The following DNAH1 variants were observed in gnomAD, a reference collection of about 807,000 sequenced individuals.
The protein encoded by DNAH1 is dynein axonemal heavy chain 1.
In DNAH1, 327 loss-of-function variants were observed where a neutral mutation model predicts 484.3. The observed-to-expected ratio is 0.68, with a 90% CI of 0.62 to 0.74. The LOEUF is 0.74. Among genes scored for constraint, DNAH1 ranks in the 30% least tolerant of loss-of-function variants. The probability of loss-of-function intolerance (pLI) is 0.00; values close to 1 mark genes in which losing one functional copy is unlikely to be tolerated. For missense variants in DNAH1, 5,052 were observed against 5,546.8 expected, an observed-to-expected ratio of 0.91 and a Z score of 2.83; for synonymous variants, 2,192 against 2,191.9, an observed-to-expected ratio of 1.00 and a Z score of 0.00.
chr3:52,323,930 G>T, intron 3 of DNAH1, 50 bp downstream of exon 3: 2 of 1,444,038 alleles, frequency 1.4e-6, no homozygotes, highest in Non-Finnish European at 1.9e-6. Flanking sequence ...GTATTTCAAA[G>T]CAGGCTTTTG....
In DNAH1 at chr3:52,361,098, A is replaced by G; in HGVS notation, c.4686-66A>G. 5.8e-6 allele frequency: 8 copies of G among 1,368,002 alleles called. No homozygotes were observed. The highest frequency in any genetic ancestry group is 7.6e-6 in the Non-Finnish European group (8 of 1,051,882). 84.7% of individuals were successfully genotyped at this position (1,368,002 alleles called of 1,614,324 possible). A position where few individuals can be genotyped will look rare whatever the true frequency, so the allele number is the denominator to read the frequency against. ...GGCGAGAGGCCCCAGTCCACAGGAA[A>G]TTCCAAGGAAAGGGGGAGTGTCCAG... On this transcript the variant is annotated intron_variant, in intron 28 of 77. Transcript: ENST00000420323. The surrounding 1 kb of genome is among the most constrained non-coding windows in gnomAD (Gnocchi z 5.6).
In DNAH1 at chr3:52,364,938, AAGG is replaced by A; in HGVS notation, c.5445_5447del (p.Glu1815del). On this transcript the variant is annotated inframe_deletion, in exon 34 of 78. Coordinates refer to ENST00000420323, the MANE Select transcript of DNAH1 (RefSeq NM_015512.5). This position sits in a 1 kb window ranked among gnomAD's most constrained non-coding sequence, Gnocchi z 4.2. ...CGTGTCCGACCTGTTTCCCACCATC[AAGG>A]AGGAGGACACGGACTACGGCATCCT... 6.2e-7 allele frequency: 1 copy of A among 1,613,886 alleles called. No homozygotes were observed. Among genetic ancestry groups the A allele is most frequent in the South Asian group, 1.1e-5 (1 of 91,082 alleles).
chr3:52,315,160 C>T (rs1462931700), upstream of DNAH1, among the ~76,000 whole-genome samples: 1 of 152,186 alleles, frequency 6.6e-6, no homozygotes, highest in East Asian at 1.9e-4. Context: ...ATTCCCTTCT[C>T]TGACACCCCC....
Position 52,384,984 on chromosome 3 carries a change from C to A in DNAH1, c.8514+7C>A. On this transcript the variant is annotated splice_region_variant and intron_variant, in intron 53 of 77. Transcript: ENST00000420323. ...GAAGAGCGGCCTCGACAAGGTGGGC[C>A]CAGGCGAGTCCCCGTGGACAAGGTC... 1.2e-6 allele frequency: 2 copies of A among 1,609,066 alleles called. No individual in the cohort carries two copies. Among genetic ancestry groups the A allele is most frequent in the Non-Finnish European group, 1.7e-6 (2 of 1,177,576 alleles).
chr3:52,314,679 T>G (rs1700892525), upstream of DNAH1, among the ~76,000 whole-genome samples: 1 of 151,958 alleles, frequency 6.6e-6, no homozygotes, highest in African/African-American at 2.4e-5. Flanking sequence ...TGGTAGGGAG[T>G]GAGTCATCTA....
intron 15 of DNAH1, among the ~76,000 whole-genome samples, 173 bp downstream of exon 15, chr3:52,350,281 C>T (rs1276082882): frequency 6.6e-6 from 1 of 151,394 alleles, no homozygotes; most frequent in African/African-American, 2.4e-5. Flanking sequence ...CAGAGCTCTG[C>T]TGTCTGGGGG....
chr3:52,327,339 G>T (rs1192330369), intron 5 of DNAH1, among the ~76,000 whole-genome samples: 1 of 152,166 alleles, frequency 6.6e-6, no homozygotes, highest in Non-Finnish European at 1.5e-5. Context: ...GAAAGAGGGA[G>T]CATGGCCTGG....
chr3:52,397,783 T>C lies in DNAH1; in HGVS notation c.11864T>C (p.Ile3955Thr). The change falls in exon 74 of 78, where the codon ATC (isoleucine) becomes ACC (threonine). Residue 3955 changes from isoleucine to threonine, a missense_variant. Coordinates refer to ENST00000420323, the MANE Select transcript of DNAH1 (RefSeq NM_015512.5). ...TTTGGCCTGCATGACAATGCCAACATCACCTTTGCCCAGAACGAGACGTTC... is the reference window on the plus strand; with the variant it reads ...TTTGGCCTGCATGACAATGCCAACACCACCTTTGCCCAGAACGAGACGTTC... ...EIFGLHDNAN[I>T]TFAQNETFAL... 1 of 1,613,822 alleles carries C rather than the reference T, an allele frequency of 6.2e-7. No homozygotes were observed.
At chr3:52,345,431 C>A in intron 9 of DNAH1, 64 bp from the exon 10 acceptor site, 2 of 1,391,214 alleles carry the variant, frequency 1.4e-6, no homozygotes, top group Non-Finnish European at 2.0e-6. Flanking sequence ...CCCTGTGGAT[C>A]TGTCCTGTCC....
Position 52,372,523 on chromosome 3 carries a change from G to A in DNAH1, c.6827+136G>A, listed in dbSNP as rs555527596. The A allele has an allele frequency of 5.7e-5, 71 of 1,253,586 alleles. No homozygotes were observed. The African/African-American group carries it at 9.6e-4, about 17-fold the overall frequency. The allele number at this position is 1,253,586 out of a possible 1,614,324, so 77.7% of individuals were successfully genotyped here. On this transcript the variant is annotated intron_variant, in intron 43 of 77. Coordinates refer to ENST00000420323, the MANE Select transcript of DNAH1 (RefSeq NM_015512.5). ...CAGGGGGAGCTGACAGCCCCCCAAT[G>A]GGCCCAGGGTTCCCTCACAGACTGC...
intron 15 of DNAH1, 143 bp downstream of exon 15, chr3:52,350,251 G>C (rs1212361705): frequency 1.6e-6 from 2 of 1,266,236 alleles, no homozygotes; most frequent in African/African-American, 1.5e-5. Context: ...TGGGGTTTAG[G>C]GGGTTGTGAG....
chr3:52,322,465 G>T lies in DNAH1; in HGVS notation c.23G>T (p.Gly8Val). 1.2e-6 allele frequency: 2 copies of T among 1,612,450 alleles called. No homozygotes were observed. Among genetic ancestry groups the T allele is most frequent in the Admixed American group, 3.4e-5 (2 of 59,468 alleles). The change falls in exon 2 of 78, where the codon GGC becomes GTC. Residue 8 changes from glycine (G) to valine (V), a missense_variant. Coordinates refer to ENST00000420323, the MANE Select transcript of DNAH1 (RefSeq NM_015512.5). ...AGCATGGAGCAGCCTAACAGTAAAG[G>T]CTATAGCCTGGGAAGGACCCCTCAG... MEQPNSK[G>V]YSLGRTPQGP...
chr3:52,398,190 G>A lies in DNAH1; in HGVS notation c.12089+28G>A, dbSNP rs570095504. Reference sequence around the variant, plus strand: ...AATCACCCCGCCATACCCCTGCCCCGAGTCAGCGGCCACTGGACTGTAGAG... The same window carrying A: ...AATCACCCCGCCATACCCCTGCCCCAAGTCAGCGGCCACTGGACTGTAGAG... On this transcript the variant is annotated intron_variant, in intron 75 of 77. Coordinates refer to ENST00000420323, the MANE Select transcript of DNAH1 (RefSeq NM_015512.5). 49 of 1,587,684 alleles carry A rather than the reference G, an allele frequency of 3.1e-5. No homozygotes were observed. The Admixed American group carries it at 4.0e-4, about 13-fold the overall frequency.
At chr3:52,399,832 C>CTGTGCCCCATCTACAAGA in intron 77 of DNAH1, 53 bp downstream of exon 77, 1 of 1,544,122 alleles carries the variant, frequency 6.5e-7, no homozygotes. Flanking sequence ...CAGGACTAAC[C>CTGTGCCCCATCTACAAGA]CAGCCCAGCC....
At chr3:52,376,814 A>C (rs1418011423) in intron 46 of DNAH1, among the ~76,000 whole-genome samples, 1 of 137,404 alleles carries the variant, frequency 7.3e-6, no homozygotes. Flanking sequence ...CTTTCCTGTG[A>C]ATGCACCTCT....
At chr3:52,345,727 CAG>C (rs770951859) in intron 10 of DNAH1, 21 bp downstream of exon 10, 196 of 1,604,466 alleles carry the variant, frequency 1.2e-4, no homozygotes, top group Non-Finnish European at 1.5e-4. Context: ...ATCAAGGGCA[CAG>C]GGGGCAAACG....
chr3:52,344,495 T>C lies in DNAH1; in HGVS notation c.1292T>C (p.Leu431Pro). ...TPRMRKGPSV[L>P]EHLSSLAREV... Reference sequence around the variant, plus strand: ...TCTCCCATCTCTATGGGCAGGGTTCTAGAGCACCTCAGCAGTCTTGCCAGA... The same window carrying C: ...TCTCCCATCTCTATGGGCAGGGTTCCAGAGCACCTCAGCAGTCTTGCCAGA... The change falls in exon 9 of 78, where the codon CTA (leucine) becomes CCA (proline). Residue 431 changes from leucine to proline, a missense_variant. By Grantham distance (98) the Leu-to-Pro change is moderately conservative. This residue lies in a region of DNAH1 where 1,263 missense variants were observed against 1,218.8 expected (regional missense o/e 1.04). Transcript: ENST00000420323. The C allele has an allele frequency of 6.2e-7, 1 of 1,613,872 alleles. No homozygotes were observed. Among genetic ancestry groups the C allele is most frequent in the African/African-American group, 1.3e-5 (1 of 75,062 alleles).
At chr3:52,312,554 T>C (rs1700815701), upstream of DNAH1, among the ~76,000 whole-genome samples, 1 of 149,968 alleles carries the variant, frequency 6.7e-6, no homozygotes, top group Non-Finnish European at 1.5e-5. Flanking sequence ...CACTGGAACC[T>C]CTGTCTCCTG....
At chr3:52,332,033 C>G in intron 7 of DNAH1, 109 bp from the exon 8 acceptor site, 1 of 1,384,736 alleles carries the variant, frequency 7.2e-7, no homozygotes, top group Non-Finnish European at 9.7e-7. Context: ...AAGAGGGAAA[C>G]AATTTGTTCA....
Sources: gnomAD v4.1 joint callset for allele counts (sites outside exome capture counted in the v4.1 genomes callset) on GRCh38, gnomAD v4.1.1 for gene constraint, gnomAD v4.1.1 regional missense constraint, Gnocchi (gnomAD v3.1) non-coding constraint, MANE v1.5 for transcripts, NCBI Gene and HGNC (gene_info 2026-07-23, HGNC 2026-07-21) for gene names.